Variants in CEACAM20 observed in about 807,000 individuals in gnomAD.
CEACAM20 encodes the protein cell adhesion molecule CEACAM20.
Under a neutral mutation model 61.2 loss-of-function variants are expected in CEACAM20, and 50 were observed. The observed-to-expected ratio is 0.82, with a 90% CI of 0.65 to 1.03. CEACAM20 has a LOEUF of 1.03. CEACAM20 is among the 50% of genes least tolerant of loss of function. The probability of loss-of-function intolerance (pLI) is 0.00; values close to 1 mark genes in which losing one functional copy is unlikely to be tolerated. For synonymous variants in CEACAM20, 282 were observed against 287.7 expected (o/e 0.98, Z 0.20); for missense variants, 683 against 736.4 (o/e 0.93, Z 0.84).
chr19:44,510,600 GAAAGAAAGAAAAAGGAAGGAAGGAAGAA>G (rs1970958697), intron 11 of CEACAM20, among the ~76,000 whole-genome samples: 1 of 74,286 alleles, frequency 1.3e-5, no homozygotes, highest in South Asian at 5.2e-4. Context: ...AAGAAAGAAA[GAAAGAAAGAAAAAGGAAGGAAGGAAGAA>G]AGAAAGAGAA....
chr19:44,526,577 G>C (rs1442952656), intron 1 of CEACAM20, among the ~76,000 whole-genome samples: 2 of 151,488 alleles, frequency 1.3e-5, no homozygotes, highest in Admixed American at 1.3e-4. Flanking sequence ...CCACTACGGG[G>C]GCTGCAAGAG....
At chr19:44,517,726 C>T (rs1002404985) in intron 5 of CEACAM20, among the ~76,000 whole-genome samples, 45 of 151,036 alleles carry the variant, frequency 3.0e-4, no homozygotes, top group African/African-American at 1.1e-3. Flanking sequence ...AAAAAACTGC[C>T]TTTGTAAAAG....
At chr19:44,506,923 T>C (rs1970835633) in intron 11 of CEACAM20, among the ~76,000 whole-genome samples, 1 of 152,246 alleles carries the variant, frequency 6.6e-6, no homozygotes, top group African/African-American at 2.4e-5. Flanking sequence ...TAATTCATTA[T>C]ACAGCAACTG....
chr19:44,524,319 A>G (rs1024086388), intron 2 of CEACAM20, 58 bp from the exon 3 acceptor site: 2 of 1,546,486 alleles, frequency 1.3e-6, no homozygotes, highest in Middle Eastern at 4.2e-4. Context: ...AACAAACAAG[A>G]CATAGTCACA....
In CEACAM20 at chr19:44,525,159, A is replaced by G; in HGVS notation, c.138T>C (p.Asp46=). The G allele has an allele frequency of 1.2e-6, 2 of 1,610,890 alleles. No homozygotes were observed. Among genetic ancestry groups the G allele is most frequent in the Non-Finnish European group, 1.7e-6 (2 of 1,178,640 alleles). The change falls in exon 2 of 12, where the codon GAT becomes GAC. Residue 46 remains aspartate, a synonymous_variant. Transcript: ENST00000614924. The stretch of plus-strand genomic sequence containing the variant: ...GGGTCCCAAACACAGGCAGAACAAC[A>G]TCCTCACTTTGGGTGGCATCAAGTG... ...ANPLDATQSE[D]VVLPVFGTPR...
chr19:44,520,561 G>A lies in CEACAM20; in HGVS notation c.943C>T (p.Gln315Ter). 1 of 1,614,028 alleles carries A rather than the reference G, an allele frequency of 6.2e-7. No homozygotes were observed. The highest frequency in any genetic ancestry group is 8.5e-7 in the Non-Finnish European group (1 of 1,179,900). Residue 315 changes from glutamine to a stop codon, truncating the protein, a stop_gained, in exon 5 of 12, where the codon CAG (glutamine) becomes TAG (stop). Coordinates refer to ENST00000614924, the MANE Select transcript of CEACAM20 (RefSeq NM_001102597.3). LOFTEE classifies it high-confidence loss of function. ...GCATAGGGCCCGGTGTCATTCCGCT[G>A]GAGGCCATGGATGATTAGGGTCCTG... ...DNRTLIIHGL[Q>*]RNDTGPYACE...
In CEACAM20 at chr19:44,529,449, G is replaced by C. The variant is rs759946744; in HGVS notation, c.52+9C>G. The C allele has an allele frequency of 6.2e-7, 1 of 1,611,532 alleles. No individual in the cohort carries two copies. Among genetic ancestry groups the C allele is most frequent in the South Asian group, 1.1e-5 (1 of 90,964 alleles). On this transcript the variant is annotated intron_variant, in intron 1 of 11. Coordinates refer to ENST00000614924, the MANE Select transcript of CEACAM20 (RefSeq NM_001102597.3). ...CTCCTCCCGCATCTGAAGGAAGCAG[G>C]GCACTCACCTGAAAGCAGGATTCCC...
chr19:44,512,244 T>G (rs1261778934), intron 8 of CEACAM20, among the ~76,000 whole-genome samples, 166 bp from the exon 9 acceptor site: 1 of 152,128 alleles, frequency 6.6e-6, no homozygotes, highest in Non-Finnish European at 1.5e-5. Flanking sequence ...GCAATCAAGG[T>G]CTGGGTTAGG....
chr19:44,516,557 C>T (rs372812665), intron 6 of CEACAM20, among the ~76,000 whole-genome samples: 3 of 152,190 alleles, frequency 2.0e-5, no homozygotes, highest in Non-Finnish European at 4.4e-5. Context: ...ACATGCCTTT[C>T]GCCTTCCACC....
intron 5 of CEACAM20, among the ~76,000 whole-genome samples, chr19:44,519,527 T>C (rs1478399763): frequency 6.6e-6 from 1 of 152,018 alleles, no homozygotes; most frequent in Non-Finnish European, 1.5e-5. Flanking sequence ...AAACCTCTTC[T>C]CCCCCAATCT....
At chr19:44,521,463 G>A (rs1386170580) in intron 4 of CEACAM20, among the ~76,000 whole-genome samples, 1 of 151,766 alleles carries the variant, frequency 6.6e-6, no homozygotes, top group East Asian at 1.9e-4. Context: ...ATGTATGTGA[G>A]ATATGTATGT....
chr19:44,518,192 A>G (rs1214663940), intron 5 of CEACAM20, among the ~76,000 whole-genome samples: 2 of 145,412 alleles, frequency 1.4e-5, no homozygotes, highest in Non-Finnish European at 3.0e-5. Flanking sequence ...GCAGGCAGGC[A>G]GGCAGGCAAG....
chr19:44,511,546 C>A, intron 10 of CEACAM20, 91 bp downstream of exon 10: 1 of 1,289,958 alleles, frequency 7.8e-7, no homozygotes, highest in Non-Finnish European at 1.1e-6. Context: ...AATGTTTAGA[C>A]AAGATGATCT....
Position 44,506,189 on chromosome 19 carries a change from G to A in CEACAM20, c.1763C>T (p.Thr588Ile). ...GACGGAGGGGTTGATTTGGATGTAA[G>A]TGTTGGGCTCTGGATTCACAAGCTC... ...YEELVNPEPN[T>I]YIQINPSV is the part of the protein sequence containing the mutation. The change falls in exon 12 of 12, where the codon ACT becomes ATT. Residue 588 changes from threonine (T) to isoleucine (I), a missense_variant. Transcript: ENST00000614924. The A allele has an allele frequency of 6.2e-7, 1 of 1,613,866 alleles. No individual in the cohort carries two copies. The highest frequency in any genetic ancestry group is 1.7e-5 in the Admixed American group (1 of 60,006).
chr19:44,513,340 G>A, intron 6 of CEACAM20, 51 bp from the exon 7 acceptor site: 1 of 1,255,632 alleles, frequency 8.0e-7, no homozygotes, highest in Non-Finnish European at 1.1e-6. Flanking sequence ...CCTCATCCCT[G>A]CTCCCAGCCC....
chr19:44,514,015 T>C (rs1384563320), intron 6 of CEACAM20, among the ~76,000 whole-genome samples: 1 of 152,174 alleles, frequency 6.6e-6, no homozygotes, highest in Non-Finnish European at 1.5e-5. Context: ...GGATCAAATA[T>C]GGCTTTGTGT....
Position 44,513,351 on chromosome 19 carries a change from G to A in CEACAM20, c.1310-62C>T, listed in dbSNP as rs938653636. ...ACACCCTCATCCCTGCTCCCAGCCC[G>A]TTCCCAAGCTTGCAGCTTTTTCTCT... On this transcript the variant is annotated intron_variant, in intron 6 of 11. Transcript: ENST00000614924. 1.3e-5 allele frequency: 15 copies of A among 1,119,510 alleles called. No homozygotes were observed. The East Asian group carries it at 2.2e-4, about 16-fold the overall frequency. The allele number at this position is 1,119,510 out of a possible 1,614,324, so 69.3% of individuals were successfully genotyped here.
At chr19:44,511,246 A>G in intron 10 of CEACAM20, 91 bp from the exon 11 acceptor site, 2 of 1,516,854 alleles carry the variant, frequency 1.3e-6, no homozygotes, top group Non-Finnish European at 1.8e-6. Context: ...GAGAGAGTGG[A>G]AGGAATCTGT....
chr19:44,509,210 A>G (rs10407556), intron 11 of CEACAM20, among the ~76,000 whole-genome samples: 123,700 of 151,884 alleles, frequency 0.81, 50,750 homozygotes, highest in Middle Eastern at 0.93. Flanking sequence ...AAATTGTAAC[A>G]GAAAGAAAGA....
Sources: allele counts gnomAD v4.1 joint callset (sites outside exome capture counted in the v4.1 genomes callset), GRCh38; gene constraint gnomAD v4.1.1; transcripts MANE v1.5; gene names NCBI Gene and HGNC (gene_info 2026-07-23, HGNC 2026-07-21).